The following CYP4F3 variants were observed in gnomAD, a reference collection of about 807,000 sequenced individuals.
CYP4F3 encodes the protein cytochrome P450 4F3.
In CYP4F3, 50 loss-of-function variants were observed where a neutral mutation model predicts 54.8. That is an observed-to-expected ratio of 0.91 (90% CI 0.73 to 1.16). The LOEUF is 1.16. CYP4F3 is among the 50% of genes most tolerant of loss of function. The pLI is 0.00. For missense variants in CYP4F3, 715 were observed against 676.2 expected (o/e 1.06, Z -0.64); for synonymous variants, 244 against 262.6 (o/e 0.93, Z 0.69).
chr19:15,652,103 G>A (rs906983760), intron 7 of CYP4F3, among the ~76,000 whole-genome samples: 1 of 152,148 alleles, frequency 6.6e-6, no homozygotes, highest in African/African-American at 2.4e-5. Flanking sequence ...CCAGCTTTGT[G>A]AGAGATTATG....
Position 15,653,773 on chromosome 19 carries a change from A to AGAGAGAGAGT in CYP4F3, c.1115+830_1115+831insTGAGAGAGAG, listed in dbSNP as rs1568400706. 2.7e-4 allele frequency among the ~76,000 whole-genome samples: 36 copies of AGAGAGAGAGT among 132,992 alleles called. 2 individuals carry two copies. Among genetic ancestry groups the AGAGAGAGAGT allele is most frequent in the African/African-American group, 9.1e-4 (32 of 35,242 alleles). The allele number at this position is 132,992 out of a possible 152,430, so 87.2% of individuals were successfully genotyped here. On this transcript the variant is annotated intron_variant, in intron 9 of 12. Coordinates refer to ENST00000221307, the MANE Select transcript of CYP4F3 (RefSeq NM_000896.3). ...GAGAGAGAGAGAGAGAGAGAGAGAGAGAGAGAGAGAGAGCAGGGTCAGGAC... is the reference window on the plus strand; with the variant it reads ...GAGAGAGAGAGAGAGAGAGAGAGAGAGAGAGAGAGTGAGAGAGAGAGAGCAGGGTCAGGAC...
At chr19:15,658,629 A>G (rs1973099257) in intron 11 of CYP4F3, 74 bp downstream of exon 11, 3 of 1,608,998 alleles carry the variant, frequency 1.9e-6, no homozygotes, top group Non-Finnish European at 2.5e-6. Context: ...GATCAGGAGA[A>G]TCCAACATCA....
At chr19:15,648,596 G>A (rs553422052) in intron 5 of CYP4F3, among the ~76,000 whole-genome samples, 1 of 152,170 alleles carries the variant, frequency 6.6e-6, no homozygotes, top group East Asian at 1.9e-4. Flanking sequence ...CTGCAGATGA[G>A]GAAACCCAAC....
chr19:15,652,715 T>A, intron 8 of CYP4F3, 80 bp downstream of exon 8: 1 of 1,609,680 alleles, frequency 6.2e-7, no homozygotes, highest in Non-Finnish European at 8.5e-7. Context: ...CCCTCGCACT[T>A]CCCATCCCCC....
intron 9 of CYP4F3, among the ~76,000 whole-genome samples, 199 bp downstream of exon 9, chr19:15,653,151 TG>T (rs1427103774): frequency 2.0e-5 from 3 of 152,172 alleles, no homozygotes; most frequent in Non-Finnish European, 4.4e-5. Context: ...CAGAAAGACC[TG>T]GGCTTCTGAG....
chr19:15,644,046 C>T (rs780092348), intron 2 of CYP4F3: 2 of 1,582,464 alleles, frequency 1.3e-6, no homozygotes, highest in Non-Finnish European at 1.7e-6. Flanking sequence ...GTCATCAACG[C>T]CTCAGGTACC....
In CYP4F3 at chr19:15,659,300, C is replaced by G; in HGVS notation, c.1478C>G (p.Pro493Arg). Residue 493 changes from proline to arginine, a missense_variant, in exon 13 of 13, where the codon CCT becomes CGT. Physicochemically the swap from Pro to Arg is moderately radical, Grantham distance 103. Transcript: ENST00000221307. ...ACGCTGCTGCGCTTCCGCGTCCTGC[C>G]TGACCACACCGAGCCCCGCAGGAAG... ...GLTLLRFRVL[P>R]DHTEPRRKPE... 1.2e-6 allele frequency: 2 copies of G among 1,613,732 alleles called. No individual in the cohort carries two copies. The highest frequency in any genetic ancestry group is 1.7e-6 in the Non-Finnish European group (2 of 1,179,884).
chr19:15,650,496 CT>C (rs1427469913), intron 7 of CYP4F3, among the ~76,000 whole-genome samples: 2 of 152,130 alleles, frequency 1.3e-5, no homozygotes, highest in Non-Finnish European at 2.9e-5. Context: ...TTGCCTATGT[CT>C]TTCTGTATCT....
At chr19:15,653,987 G>A (rs1039604676) in intron 9 of CYP4F3, among the ~76,000 whole-genome samples, 3 of 152,134 alleles carry the variant, frequency 2.0e-5, no homozygotes, top group Non-Finnish European at 2.9e-5. Flanking sequence ...CTGGGTACCA[G>A]GAAGATCTTT....
chr19:15,657,275 T>C (rs1973052736), intron 9 of CYP4F3, among the ~76,000 whole-genome samples: 1 of 152,226 alleles, frequency 6.6e-6, no homozygotes, highest in Admixed American at 6.5e-5. Context: ...GTGCAATTGC[T>C]GAATCAAAGA....
Position 15,649,259 on chromosome 19 carries a change from A to G in CYP4F3, c.625A>G (p.Ser209Gly). 1 of 1,613,202 alleles carries G rather than the reference A, an allele frequency of 6.2e-7. No homozygotes were observed. The change falls in exon 6 of 13, where the codon AGC becomes GGC. Residue 209 changes from serine to glycine, a missense_variant. Transcript: ENST00000221307. ...GGACAGTCTGCAGAAATGTGTCTTCAGCTTTGACAGCCATTGCCAGGAGTA... is the reference window on the plus strand; with the variant it reads ...GGACAGTCTGCAGAAATGTGTCTTCGGCTTTGACAGCCATTGCCAGGAGTA... ...TLDSLQKCVF[S>G]FDSHCQEKPS...
At chr19:15,655,603 T>C (rs1457958754) in intron 9 of CYP4F3, among the ~76,000 whole-genome samples, 1 of 152,244 alleles carries the variant, frequency 6.6e-6, no homozygotes, top group Non-Finnish European at 1.5e-5. Flanking sequence ...AGAAAATGGC[T>C]ATCCCGATGC....
chr19:15,656,196 C>T (rs1973005826), intron 9 of CYP4F3, among the ~76,000 whole-genome samples: 1 of 151,968 alleles, frequency 6.6e-6, no homozygotes, highest in Non-Finnish European at 1.5e-5. Flanking sequence ...TGGCTTACTT[C>T]ACTTAGCATG....
intron 2 of CYP4F3, chr19:15,644,021 A>G (rs1568392178): frequency 6.2e-7 from 1 of 1,601,366 alleles, no homozygotes; most frequent in South Asian, 1.1e-5. Flanking sequence ...TTGCCACCCC[A>G]ACATCATCCG....
Position 15,650,797 on chromosome 19 carries a change from T to TC in CYP4F3, c.918+614_918+615insC, listed in dbSNP as rs1254755820. Among the ~76,000 whole-genome samples the TC allele has an allele frequency of 7.4e-3, 371 of 50,112 alleles. 71 individuals carry two copies. The highest frequency in any genetic ancestry group is 0.023 in the East Asian group (22 of 968). The allele number at this position is 50,112 out of a possible 152,430, so 32.9% of individuals were successfully genotyped here. ...TTTCGTTCTTTCTTTCTTTCTTTCT[T>TC]TCTCTCTCTTCTCTTTCTTTCTTTC... is the stretch of plus-strand genomic sequence containing the variant. On this transcript the variant is annotated intron_variant, in intron 7 of 12. Transcript: ENST00000221307.
intron 3 of CYP4F3, among the ~76,000 whole-genome samples, chr19:15,646,450 G>T (rs1332996760): frequency 1.3e-5 from 2 of 152,126 alleles, no homozygotes; most frequent in East Asian, 3.9e-4. Context: ...GAACAGTCTG[G>T]GTCACGTGTT....
At chr19:15,646,930 T>C in intron 3 of CYP4F3, 122 bp from the exon 4 acceptor site, 1 of 1,410,020 alleles carries the variant, frequency 7.1e-7, no homozygotes, top group Non-Finnish European at 9.7e-7. Flanking sequence ...CCCTTGACCC[T>C]CTTCTTGCTA....
chr19:15,649,764 A>C (rs1972731760), intron 6 of CYP4F3, 149 bp from the exon 7 acceptor site: 1 of 1,194,844 alleles, frequency 8.4e-7, no homozygotes, highest in Non-Finnish European at 1.2e-6. Context: ...AGTCGATTTC[A>C]TGCTGATCCC....
chr19:15,658,375 A>G lies in CYP4F3; in HGVS notation c.1227A>G (p.Pro409=), dbSNP rs767549800. 6 of 1,614,098 alleles carry G rather than the reference A, an allele frequency of 3.7e-6. No homozygotes were observed. The Admixed American group carries it at 1.0e-4, about 27-fold the overall frequency. ...SRCCTQDIVL[P]DGRVIPKGII... Reference sequence around the variant, plus strand: ...GCTGCACCCAAGACATTGTGCTCCCAGACGGCCGGGTCATCCCCAAAGGTG... The same window carrying G: ...GCTGCACCCAAGACATTGTGCTCCCGGACGGCCGGGTCATCCCCAAAGGTG... The change falls in exon 10 of 13, where the codon CCA becomes CCG. Residue 409 remains proline (P), a synonymous_variant. Transcript: ENST00000221307.
Sources: gnomAD v4.1 joint callset for allele counts (sites outside exome capture counted in the v4.1 genomes callset) on GRCh38, gnomAD v4.1.1 for gene constraint, MANE v1.5 for transcripts, NCBI Gene and HGNC (gene_info 2026-07-23, HGNC 2026-07-21) for gene names.